Variants in CMBL observed in about 807,000 individuals in gnomAD.
CMBL encodes the protein carboxymethylenebutenolidase homolog.
A neutral mutation model predicts 28.7 loss-of-function variants in CMBL; 17 were observed. That is an observed-to-expected ratio of 0.59 (90% CI 0.41 to 0.89). The LOEUF (loss-of-function observed/expected upper bound fraction) is 0.89, where lower values mean the gene tolerates loss of function less well. Among genes scored for constraint, CMBL ranks in the 40% least tolerant of loss-of-function variants. The pLI, the probability that CMBL is intolerant of heterozygous loss-of-function variation, is 0.00. For synonymous variants in CMBL, 106 were observed against 101.6 expected (o/e 1.04, Z -0.26); for missense variants, 310 against 298.5 (o/e 1.04, Z -0.28).
chr5:10,298,230 G>A (rs1297470848), intron 1 of CMBL, among the ~76,000 whole-genome samples: 5 of 152,160 alleles, frequency 3.3e-5, no homozygotes, highest in African/African-American at 1.2e-4. Context: ...ACATACCCCA[G>A]TGCGTGGCTA....
At chr5:10,300,537 G>T (rs952515445) in intron 1 of CMBL, among the ~76,000 whole-genome samples, 4 of 152,058 alleles carry the variant, frequency 2.6e-5, no homozygotes, top group African/African-American at 9.7e-5. Context: ...TGGTGGCTCA[G>T]GCCTGTAATC....
rs981504561 is a variant in CMBL at position 10,279,602 on chromosome 5, C to G, written c.*851G>C. ...TGTTGTCCAGGCTGGAGTGCAGTAG[C>G]GCAACCTCGACTCACTGCAACCTCT... On this transcript the variant is annotated 3_prime_UTR_variant, in exon 6 of 6. Transcript: ENST00000296658. The G allele has an allele frequency of 2.0e-5, 3 of 151,422 alleles. No homozygotes were observed. Among genetic ancestry groups the G allele is most frequent in the Admixed American group, 1.3e-4 (2 of 15,194 alleles). The allele number at this position is 151,422 out of a possible 1,614,324, so 9.4% of individuals were successfully genotyped here. A position where few individuals can be genotyped will look rare whatever the true frequency, so the allele number is the denominator to read the frequency against.
intron 4 of CMBL, among the ~76,000 whole-genome samples, chr5:10,285,581 A>G (rs904408160): frequency 6.6e-6 from 1 of 151,904 alleles, no homozygotes; most frequent in Non-Finnish European, 1.5e-5. Flanking sequence ...TACAGGCGTG[A>G]GTCATCGCAT....
rs1479924502 is a variant in CMBL at position 10,282,235 on chromosome 5, T to TGAACAAA, written c.513_519dup (p.Ile174PhefsTer6). On this transcript the variant is annotated frameshift_variant, in exon 5 of 6. Transcript: ENST00000296658. LOFTEE classifies it high-confidence loss of function. ...ATCACAACATCATTTTCAGCAAAAATGAACAAAGTGGGGTTCTTTAAATTG... is the reference window on the plus strand; with the variant it reads ...ATCACAACATCATTTTCAGCAAAAATGAACAAAGAACAAAGTGGGGTTCTTTAAATTG... The TGAACAAA allele has an allele frequency of 2.5e-6, 4 of 1,613,276 alleles. No individual in the cohort carries two copies.
In CMBL at chr5:10,278,931, T is replaced by C. The variant is rs945927941; in HGVS notation, c.*1522A>G. On this transcript the variant is annotated 3_prime_UTR_variant, in exon 6 of 6. Transcript: ENST00000296658. ...AAAGAAGGATCCCATGAAAGGCACA[T>C]GGGAAACACCCACGACCACATCCCC... 3.9e-5 allele frequency among the ~76,000 whole-genome samples: 6 copies of C among 152,048 alleles called. No individual in the cohort carries two copies. The highest frequency in any genetic ancestry group is 1.4e-4 in the African/African-American group (6 of 41,398).
intron 1 of CMBL, among the ~76,000 whole-genome samples, chr5:10,300,957 CA>C (rs887789596): frequency 2.0e-5 from 3 of 150,294 alleles, no homozygotes; most frequent in African/African-American, 7.3e-5. Context: ...AAATAACAAC[CA>C]AAAAACATAC....
intron 3 of CMBL, 75 bp downstream of exon 3, chr5:10,288,347 T>C: frequency 9.7e-7 from 1 of 1,028,208 alleles, no homozygotes. Flanking sequence ...GAGTAGTGTC[T>C]GAAAGGTGAA....
In CMBL at chr5:10,280,280, A is replaced by T. The variant is rs140540093; in HGVS notation, c.*173T>A. On this transcript the variant is annotated 3_prime_UTR_variant, in exon 6 of 6. Coordinates refer to ENST00000296658, the MANE Select transcript of CMBL (RefSeq NM_138809.4). ...TTATGATTCGATGTACATGTCAAAA[A>T]TTAAATTATTTCATGCATTACGTCC... 6.2e-5 allele frequency: 32 copies of T among 517,170 alleles called. No individual in the cohort carries two copies. In the East Asian group the frequency reaches 9.5e-4, roughly 15 times the overall value. 32.0% of individuals were successfully genotyped at this position (517,170 alleles called of 1,614,324 possible).
chr5:10,304,975 A>T lies in CMBL; in HGVS notation c.-20+2650T>A, dbSNP rs933594664. Among the ~76,000 whole-genome samples the T allele has an allele frequency of 6.6e-5, 10 of 152,176 alleles. No individual in the cohort carries two copies. The East Asian group carries it at 1.7e-3, about 26-fold the overall frequency. Reference sequence around the variant, plus strand: ...ACTGAGGCACTTTTTACAAATGATGAGGTCCTTTATTGTGAGTAAGAAGGT... The same window carrying T: ...ACTGAGGCACTTTTTACAAATGATGTGGTCCTTTATTGTGAGTAAGAAGGT... On this transcript the variant is annotated intron_variant, in intron 1 of 5. Coordinates refer to ENST00000296658, the MANE Select transcript of CMBL (RefSeq NM_138809.4).
chr5:10,285,471 A>C (rs1442370071), intron 4 of CMBL, among the ~76,000 whole-genome samples: 1 of 151,372 alleles, frequency 6.6e-6, no homozygotes, highest in Non-Finnish European at 1.5e-5. Context: ...CCAGCCTTAA[A>C]ATTTTTTATA....
rs1012986044 is a variant in CMBL at position 10,282,065 on chromosome 5, C to T, written c.558+132G>A. ...GTCCCAGCTACTCGGGAGGCTGAGG[C>T]ACAAGAATGGCTTGAACCTGGGAGG... On this transcript the variant is annotated intron_variant, in intron 5 of 5. Coordinates refer to ENST00000296658, the MANE Select transcript of CMBL (RefSeq NM_138809.4). 1.3e-5 allele frequency: 8 copies of T among 626,126 alleles called. No homozygotes were observed. The African/African-American group carries it at 1.3e-4, about 10-fold the overall frequency. 38.8% of individuals were successfully genotyped at this position (626,126 alleles called of 1,614,324 possible).
intron 2 of CMBL, chr5:10,290,308 T>G: frequency 3.8e-6 from 2 of 529,650 alleles, no homozygotes; most frequent in Non-Finnish European, 6.8e-6. Context: ...GTCCAGCAAG[T>G]CTAAAGGCCA....
At chr5:10,299,472 G>C (rs1473845579) in intron 1 of CMBL, among the ~76,000 whole-genome samples, 1 of 152,154 alleles carries the variant, frequency 6.6e-6, no homozygotes, top group African/African-American at 2.4e-5. Context: ...CCTGGAAGGA[G>C]TCTAGCAAAG....
At chr5:10,300,679 G>A (rs1016739029) in intron 1 of CMBL, among the ~76,000 whole-genome samples, 8 of 151,856 alleles carry the variant, frequency 5.3e-5, no homozygotes, top group Non-Finnish European at 1.2e-4. Context: ...GCATGCACCT[G>A]TAGTCCCAGC....
intron 1 of CMBL, among the ~76,000 whole-genome samples, chr5:10,304,305 A>G (rs756766325): frequency 5.3e-5 from 8 of 152,158 alleles, no homozygotes; most frequent in Admixed American, 5.2e-4. Flanking sequence ...GGAGGTCAAG[A>G]CTGCAGTGAG....
At chr5:10,304,484 T>C (rs780623911) in intron 1 of CMBL, among the ~76,000 whole-genome samples, 28 of 152,244 alleles carry the variant, frequency 1.8e-4, no homozygotes, top group Non-Finnish European at 3.5e-4. Flanking sequence ...CTTCCCACAC[T>C]GGAAGGGTCT....
chr5:10,278,727 C>T lies in CMBL; in HGVS notation c.*1726G>A, dbSNP rs1423037132. ...GGGTTCTGATGAGTTGCCTCCTCTA[C>T]CCCATCCTAACTTCTTTCCCGGTCA... is the stretch of plus-strand genomic sequence containing the variant. On this transcript the variant is annotated 3_prime_UTR_variant, in exon 6 of 6. Coordinates refer to ENST00000296658, the MANE Select transcript of CMBL (RefSeq NM_138809.4). Among the ~76,000 whole-genome samples, 1 of 152,150 alleles carries T rather than the reference C, an allele frequency of 6.6e-6. No individual in the cohort carries two copies. Among genetic ancestry groups the T allele is most frequent in the East Asian group, 1.9e-4 (1 of 5,194 alleles).
In CMBL at chr5:10,277,838, A is replaced by G. The variant is rs991165364; in HGVS notation, c.*2615T>C. 2.0e-5 allele frequency among the ~76,000 whole-genome samples: 3 copies of G among 152,230 alleles called. No homozygotes were observed. The South Asian group carries it at 6.2e-4, about 31-fold the overall frequency. On this transcript the variant is annotated 3_prime_UTR_variant, in exon 6 of 6. Transcript: ENST00000296658. ...CAGAGGGAAGGCTGCCCAGGCCCCA[A>G]GCTCACCATGAAGGATACAGCCACA... is the stretch of plus-strand genomic sequence containing the variant.
chr5:10,283,210 T>G (rs6892453), intron 4 of CMBL, among the ~76,000 whole-genome samples: 83,422 of 151,984 alleles, frequency 0.55, 25,424 homozygotes, highest in Non-Finnish European at 0.7. Flanking sequence ...AATTGAATGA[T>G]ACCTCGTCCG....
Sources: gnomAD v4.1 joint callset for allele counts (sites outside exome capture counted in the v4.1 genomes callset) on GRCh38, gnomAD v4.1.1 for gene constraint, MANE v1.5 for transcripts, NCBI Gene and HGNC (gene_info 2026-07-23, HGNC 2026-07-21) for gene names.